The following CFAP299 variants were observed in gnomAD, a reference collection of about 807,000 sequenced individuals.
The protein encoded by CFAP299 is cilia- and flagella-associated protein 299.
CFAP299 carries 21 observed loss-of-function variants against 27.0 expected under a neutral mutation model. That is an observed-to-expected ratio of 0.78 (90% CI 0.55 to 1.12). The LOEUF (loss-of-function observed/expected upper bound fraction) is 1.12. Ranked by LOEUF, CFAP299 falls within the 50% of genes most tolerant of loss-of-function variation. The pLI, the probability that CFAP299 is intolerant of heterozygous loss-of-function variation, is 0.00. For missense variants in CFAP299, 310 were observed against 276.6 expected (o/e 1.12, Z -0.86); for synonymous variants, 104 against 98.1 (o/e 1.06, Z -0.36).
At chr4:80,928,282 C>T (rs1472119169) in intron 4 of CFAP299, among the ~76,000 whole-genome samples, 2 of 152,064 alleles carry the variant, frequency 1.3e-5, no homozygotes, top group East Asian at 1.9e-4. Context: ...AAAGAGTGGC[C>T]AGTATCTCTC....
chr4:80,417,537 C>T (rs1310106363), intron 2 of CFAP299, among the ~76,000 whole-genome samples: 2 of 152,066 alleles, frequency 1.3e-5, no homozygotes, highest in Non-Finnish European at 2.9e-5. Flanking sequence ...TCCTTGAAAT[C>T]GTTACTCTTC....
chr4:80,390,781 A>G (rs1725383138), intron 2 of CFAP299, among the ~76,000 whole-genome samples: 1 of 142,006 alleles, frequency 7.0e-6, no homozygotes, highest in Non-Finnish European at 1.5e-5. Context: ...ATATATACAT[A>G]TACACATATA....
At position 80,493,749 on chromosome 4, in the gene CFAP299, A is replaced by G. The variant is rs182993924; in HGVS notation, c.243-89344A>G. ...CTTCTGGGATATCTGTCTCTTTTCT[A>G]TCTCATATTCTTTTTTTTTTTTTTT... On this transcript the variant is annotated intron_variant, in intron 2 of 5. Transcript: ENST00000358105. Among the ~76,000 whole-genome samples the G allele has an allele frequency of 4.9e-3, 661 of 135,000 alleles. 5 individuals are homozygous for G. Among genetic ancestry groups the G allele is most frequent in the Non-Finnish European group, 8.4e-3 (530 of 62,806 alleles). The allele number at this position is 135,000 out of a possible 152,430, so 88.6% of individuals were successfully genotyped here. A position where few individuals can be genotyped will look rare whatever the true frequency, so the allele number is the denominator to read the frequency against.
At chr4:80,641,130 T>G (rs1168435443) in intron 3 of CFAP299, among the ~76,000 whole-genome samples, 1 of 152,204 alleles carries the variant, frequency 6.6e-6, no homozygotes, top group African/African-American at 2.4e-5. Flanking sequence ...AGATACAACA[T>G]TATATATCTA....
chr4:80,937,743 T>C (rs1052265373), intron 4 of CFAP299, among the ~76,000 whole-genome samples: 20 of 152,184 alleles, frequency 1.3e-4, no homozygotes, highest in African/African-American at 4.8e-4. Context: ...TATTTATTGA[T>C]AGGTGAGGAC....
At chr4:80,770,128 G>A (rs754516933) in intron 3 of CFAP299, among the ~76,000 whole-genome samples, 10 of 152,274 alleles carry the variant, frequency 6.6e-5, no homozygotes, top group Non-Finnish European at 1.5e-4. Flanking sequence ...CAAGTCAAGT[G>A]TGCAGCATTT....
intron 2 of CFAP299, among the ~76,000 whole-genome samples, chr4:80,393,901 T>G (rs1407903691): frequency 6.6e-6 from 1 of 152,080 alleles, no homozygotes; most frequent in Non-Finnish European, 1.5e-5. Flanking sequence ...AAGAGTGGGA[T>G]TGATCTTGAC....
intron 3 of CFAP299, among the ~76,000 whole-genome samples, chr4:80,687,208 G>A (rs1386837169): frequency 6.6e-6 from 1 of 151,984 alleles, no homozygotes; most frequent in Non-Finnish European, 1.5e-5. Context: ...CAACTTCCCT[G>A]GAATGTGCTT....
intron 1 of CFAP299, among the ~76,000 whole-genome samples, chr4:80,341,023 G>A (rs183843819): frequency 1.2e-4 from 19 of 152,226 alleles, no homozygotes; most frequent in Admixed American, 7.8e-4. Flanking sequence ...TGATCCACCC[G>A]CCTTGGCCTC....
chr4:80,418,685 ACT>A (rs1727139658), intron 2 of CFAP299, among the ~76,000 whole-genome samples: 1 of 150,852 alleles, frequency 6.6e-6, no homozygotes, highest in African/African-American at 2.4e-5. Context: ...GCACCATTCT[ACT>A]CTCTGCTACT....
chr4:80,816,393 T>C (rs1560426981), intron 3 of CFAP299, among the ~76,000 whole-genome samples: 1 of 152,096 alleles, frequency 6.6e-6, no homozygotes, highest in Non-Finnish European at 1.5e-5. Flanking sequence ...CCCTTTAATA[T>C]AGAAAATGAT....
At chr4:80,567,727 G>A (rs931798409) in intron 2 of CFAP299, among the ~76,000 whole-genome samples, 4 of 27,762 alleles carry the variant, frequency 1.4e-4, no homozygotes, top group Non-Finnish European at 2.0e-4. Context: ...CTATTCTAAT[G>A]TATTTATATA....
chr4:80,960,795 T>C (rs1738307064), intron 5 of CFAP299, among the ~76,000 whole-genome samples: 1 of 151,826 alleles, frequency 6.6e-6, no homozygotes, highest in Non-Finnish European at 1.5e-5. Context: ...ACAAACATTT[T>C]AAAAGATGAG....
intron 2 of CFAP299, among the ~76,000 whole-genome samples, chr4:80,494,103 G>A (rs528066211): frequency 6.6e-6 from 1 of 152,278 alleles, no homozygotes; most frequent in Non-Finnish European, 1.5e-5. Flanking sequence ...AGTTAGCAGA[G>A]TGAATCCCAC....
intron 3 of CFAP299, among the ~76,000 whole-genome samples, chr4:80,745,308 G>A (rs930388858): frequency 6.6e-6 from 1 of 152,060 alleles, no homozygotes. Flanking sequence ...TGAAACTAAT[G>A]CCTTAGATTG....
chr4:80,572,814 G>T (rs1286900974), intron 2 of CFAP299, among the ~76,000 whole-genome samples: 1 of 151,930 alleles, frequency 6.6e-6, no homozygotes, highest in East Asian at 1.9e-4. Flanking sequence ...ATCATGCCTG[G>T]CCCGATCTCA....
intron 2 of CFAP299, among the ~76,000 whole-genome samples, chr4:80,460,973 A>C (rs1176547446): frequency 6.6e-6 from 1 of 152,208 alleles, no homozygotes; most frequent in Non-Finnish European, 1.5e-5. Flanking sequence ...GACATATGGC[A>C]TCAATTAATG....
chr4:80,661,860 G>T (rs923466160), intron 3 of CFAP299, among the ~76,000 whole-genome samples: 1 of 152,128 alleles, frequency 6.6e-6, no homozygotes, highest in Non-Finnish European at 1.5e-5. Context: ...AAGAGAATGC[G>T]TCCCTAAGGG....
At chr4:80,534,674 T>C (rs1320912990) in intron 2 of CFAP299, among the ~76,000 whole-genome samples, 2 of 152,144 alleles carry the variant, frequency 1.3e-5, no homozygotes, top group Non-Finnish European at 2.9e-5. Context: ...TAAAGATACT[T>C]TCTTCTTGTT....
Sources: gnomAD v4.1 joint callset for allele counts (sites outside exome capture counted in the v4.1 genomes callset) on GRCh38, gnomAD v4.1.1 for gene constraint, MANE v1.5 for transcripts, NCBI Gene and HGNC (gene_info 2026-07-23, HGNC 2026-07-21) for gene names.